Variants in ALOXE3 observed in about 807,000 individuals in gnomAD.
ALOXE3 encodes arachidonate epidermal lipoxygenase 3.
ALOXE3 carries 78 observed loss-of-function variants against 87.5 expected under a neutral mutation model. The observed-to-expected ratio is 0.89, with a 90% confidence interval of 0.74 to 1.08. The LOEUF (loss-of-function observed/expected upper bound fraction) is 1.08. Ranked by LOEUF, ALOXE3 falls within the 50% of genes least tolerant of loss-of-function variation. The pLI is 0.00. For missense variants in ALOXE3, 946 were observed against 912.4 expected (o/e 1.04, Z -0.47); for synonymous variants, 363 against 370.8 (o/e 0.98, Z 0.24).
At chr17:8,114,090 A>AG (rs1277061935) in intron 6 of ALOXE3, among the ~76,000 whole-genome samples, 1 of 151,614 alleles carries the variant, frequency 6.6e-6, no homozygotes, top group African/African-American at 2.4e-5. Context: ...GAGGGTGGCA[A>AG]GGGGGGATGA....
Position 8,096,402 on chromosome 17 carries a change from T to A in ALOXE3, c.*225A>T. ...TCGGAGGGGCTATTGTGCATTGGACTTTGGTCAGCGGCTTTTAACCTGGAC... is the reference window on the plus strand; with the variant it reads ...TCGGAGGGGCTATTGTGCATTGGACATTGGTCAGCGGCTTTTAACCTGGAC... On this transcript the variant is annotated 3_prime_UTR_variant, in exon 16 of 16. Coordinates refer to ENST00000448843, the MANE Select transcript of ALOXE3 (RefSeq NM_021628.3). 1 of 569,662 alleles carries A rather than the reference T, an allele frequency of 1.8e-6. No individual in the cohort carries two copies. Among genetic ancestry groups the A allele is most frequent in the South Asian group, 2.1e-5 (1 of 47,426 alleles). The allele number at this position is 569,662 out of a possible 1,614,324, so 35.3% of individuals were successfully genotyped here.
intron 3 of ALOXE3, 25 bp from the exon 4 acceptor site, chr17:8,115,713 G>C (rs1980524802): frequency 6.3e-7 from 1 of 1,598,626 alleles, no homozygotes. Flanking sequence ...AATTACTCTT[G>C]GTATAAGTCT....
chr17:8,108,732 G>A (rs1218499584), intron 12 of ALOXE3, 143 bp from the exon 13 acceptor site: 5 of 1,266,306 alleles, frequency 3.9e-6, no homozygotes, highest in East Asian at 2.6e-5. Flanking sequence ...GCTGGAATCT[G>A]AGTGGCCGGG....
Position 8,111,298 on chromosome 17 carries a change from T to C in ALOXE3, c.957+61A>G. ...CCATACCCTCCACACACATCCCTTG[T>C]CCATAATGGTGACACACCCACCTCC... On this transcript the variant is annotated intron_variant, in intron 8 of 15. Coordinates refer to ENST00000448843, the MANE Select transcript of ALOXE3 (RefSeq NM_021628.3). The C allele has an allele frequency of 4.4e-6, 7 of 1,597,144 alleles. No homozygotes were observed. In the South Asian group the frequency reaches 7.8e-5, roughly 18 times the overall value.
intron 15 of ALOXE3, among the ~76,000 whole-genome samples, chr17:8,098,228 G>GTTTTTT (rs201308859): frequency 1.0e-4 from 9 of 88,136 alleles, no homozygotes; most frequent in East Asian, 7.4e-4. Flanking sequence ...TATACTTTTG[G>GTTTTTT]TTTTTGTTTT....
chr17:8,111,954 G>A (rs1158805044), intron 7 of ALOXE3, 139 bp downstream of exon 7: 5 of 797,496 alleles, frequency 6.3e-6, no homozygotes, highest in Admixed American at 1.9e-5. Flanking sequence ...TGCCACCAGT[G>A]AAGCCAGGAG....
chr17:8,114,184 A>G (rs547226484), intron 6 of ALOXE3, among the ~76,000 whole-genome samples: 25 of 151,926 alleles, frequency 1.6e-4, no homozygotes, highest in Admixed American at 1.6e-3. Context: ...TGGGGGCCCA[A>G]TTAACACCCA....
rs1012877888 is a variant in ALOXE3 at position 8,114,956 on chromosome 17, C to A, written c.536G>T (p.Cys179Phe). ...KKFALTKTTT[C>F]VDQGDSSGNR... ...TCTTCACCTGTCACCCTGGTCTACACAAGTTGTCGTCTTTGTCAAGGCAAA... is the reference window on the plus strand; with the variant it reads ...TCTTCACCTGTCACCCTGGTCTACAAAAGTTGTCGTCTTTGTCAAGGCAAA... Residue 179 changes from cysteine to phenylalanine, a missense_variant, in exon 5 of 16, where the codon TGT becomes TTT. Cys to Phe is a radical substitution (Grantham distance 205, BLOSUM62 -2). Transcript: ENST00000448843. 2.5e-6 allele frequency: 4 copies of A among 1,614,050 alleles called. No homozygotes were observed. The highest frequency in any genetic ancestry group is 3.3e-5 in the Admixed American group (2 of 60,002).
intron 15 of ALOXE3, among the ~76,000 whole-genome samples, chr17:8,099,867 C>G (rs1978813718): frequency 6.6e-6 from 1 of 151,948 alleles, no homozygotes; most frequent in South Asian, 2.1e-4. Context: ...CCCAGGAGTT[C>G]AAGACCAGCC....
At chr17:8,112,340 G>T in intron 6 of ALOXE3, 144 bp from the exon 7 acceptor site, 2 of 668,422 alleles carry the variant, frequency 3.0e-6, no homozygotes, top group Non-Finnish European at 5.4e-6. Context: ...AAAAAGTCTA[G>T]TACCCGGTGG....
rs377592174 is a variant in ALOXE3, at chr17:8,109,900, G to C, written c.1392+16C>G. ...CTTCGGGGGCGGAGATCAGTGACCC[G>C]GCAGGGAGGCCGCACCTGGTCCACG... On this transcript the variant is annotated intron_variant, in intron 11 of 15. Transcript: ENST00000448843. 4 of 1,547,442 alleles carry C rather than the reference G, an allele frequency of 2.6e-6. No individual in the cohort carries two copies. In the African/African-American group the frequency reaches 4.1e-5, roughly 16 times the overall value.
intron 6 of ALOXE3, among the ~76,000 whole-genome samples, chr17:8,113,473 T>TG (rs1458648180): frequency 1.3e-5 from 2 of 149,354 alleles, no homozygotes; most frequent in Non-Finnish European, 3.0e-5. Flanking sequence ...GCCAACATGG[T>TG]GAAACCCCGT....
intron 5 of ALOXE3, 33 bp downstream of exon 5, chr17:8,114,905 C>T: frequency 6.2e-7 from 1 of 1,613,482 alleles, no homozygotes; most frequent in Non-Finnish European, 8.5e-7. Context: ...CACTTGACTT[C>T]CTTTCCCCTC....
intron 15 of ALOXE3, among the ~76,000 whole-genome samples, chr17:8,101,727 T>C (rs1978935186): frequency 6.6e-6 from 1 of 152,054 alleles, no homozygotes; most frequent in African/African-American, 2.4e-5. Context: ...TTTTTTTACT[T>C]CCTGGGCTCA....
chr17:8,112,825 C>T (rs537244000), intron 6 of ALOXE3, among the ~76,000 whole-genome samples: 14 of 152,010 alleles, frequency 9.2e-5, no homozygotes, highest in South Asian at 2.1e-4. Flanking sequence ...CCTGTGTTAC[C>T]GAGGCTGGAG....
At chr17:8,115,822 A>T in intron 3 of ALOXE3, 134 bp from the exon 4 acceptor site, 1 of 823,272 alleles carries the variant, frequency 1.2e-6, no homozygotes, top group South Asian at 1.4e-5. Flanking sequence ...CGGTGCCCCC[A>T]CGTTCTTTGT....
At chr17:8,098,228 G>GTTTTTTTTT (rs201308859) in intron 15 of ALOXE3, among the ~76,000 whole-genome samples, 1 of 88,138 alleles carries the variant, frequency 1.1e-5, no homozygotes, top group African/African-American at 3.3e-5. Context: ...TATACTTTTG[G>GTTTTTTTTT]TTTTTGTTTT....
At chr17:8,098,716 A>ACCTTTCATT (rs777124795) in intron 15 of ALOXE3, among the ~76,000 whole-genome samples, 1 of 152,072 alleles carries the variant, frequency 6.6e-6, no homozygotes, top group Non-Finnish European at 1.5e-5. Flanking sequence ...GGTTGAACCA[A>ACCTTTCATT]CCTTTCATTC....
In ALOXE3 at chr17:8,117,238, A is replaced by G. The variant is rs181311494; in HGVS notation, c.148-258T>C. Among the ~76,000 whole-genome samples the G allele has an allele frequency of 2.8e-3, 423 of 152,298 alleles. 14 individuals carry two copies. The South Asian group carries it at 0.056, about 20-fold the overall frequency. ...CAGGAGTTTGAGACCAGCCTGCCCG[A>G]TGAAACCGCTTCTCTACTAAAAATA... is the stretch of plus-strand genomic sequence containing the variant. On this transcript the variant is annotated intron_variant, in intron 2 of 15. Coordinates refer to ENST00000448843, the MANE Select transcript of ALOXE3 (RefSeq NM_021628.3).
Sources: gnomAD v4.1 joint callset for allele counts (sites outside exome capture counted in the v4.1 genomes callset) on GRCh38, gnomAD v4.1.1 for gene constraint, MANE v1.5 for transcripts, NCBI Gene and HGNC (gene_info 2026-07-23, HGNC 2026-07-21) for gene names.